ULK4: variants seen among roughly 807,000 people sequenced by gnomAD.
The protein encoded by ULK4 is unc-51 like kinase 4, also known as inactive serine/threonine-protein kinase ULK4.
In ULK4, 133 loss-of-function variants were observed where a neutral mutation model predicts 160.6. That is an observed-to-expected ratio of 0.83 (90% CI 0.72 to 0.96). The LOEUF is 0.96. Among genes scored for constraint, ULK4 ranks in the 40% least tolerant of loss-of-function variants. The probability of loss-of-function intolerance (pLI) is 0.00; values close to 1 mark genes in which losing one functional copy is unlikely to be tolerated. For synonymous variants in ULK4, 534 were observed against 539.8 expected (o/e 0.99, Z 0.15); for missense variants, 1,580 against 1,499.5 (o/e 1.05, Z -0.89).
intron 32 of ULK4, among the ~76,000 whole-genome samples, chr3:41,477,728 T>C (rs2084186896): frequency 1.3e-5 from 2 of 152,340 alleles, no homozygotes; most frequent in African/African-American, 2.4e-5. Context: ...GTTATAAATG[T>C]AAGTATCTGT....
At chr3:41,818,916 T>G (rs2041053506) in intron 19 of ULK4, among the ~76,000 whole-genome samples, 1 of 152,220 alleles carries the variant, frequency 6.6e-6, no homozygotes, top group Non-Finnish European at 1.5e-5. Context: ...TTTCAGCCAT[T>G]AACAATTGCT....
chr3:41,320,418 G>T (rs2080223946), intron 35 of ULK4, among the ~76,000 whole-genome samples: 1 of 152,150 alleles, frequency 6.6e-6, no homozygotes, highest in African/African-American at 2.4e-5. Flanking sequence ...CAATAACAAG[G>T]AGAGTAGTTG....
At chr3:41,481,748 A>G (rs1458254075) in intron 32 of ULK4, among the ~76,000 whole-genome samples, 1 of 144,500 alleles carries the variant, frequency 6.9e-6, no homozygotes, top group Non-Finnish European at 1.5e-5. Flanking sequence ...AATGGCGTGA[A>G]CCCGGGAGGC....
intron 17 of ULK4, among the ~76,000 whole-genome samples, chr3:41,876,372 C>T (rs1299238518): frequency 6.6e-6 from 1 of 152,122 alleles, no homozygotes; most frequent in Non-Finnish European, 1.5e-5. Context: ...ATGTTAAAAA[C>T]AAAGAGGAAA....
At chr3:41,767,967 G>C (rs1043032504) in intron 21 of ULK4, among the ~76,000 whole-genome samples, 3 of 152,146 alleles carry the variant, frequency 2.0e-5, no homozygotes, top group Non-Finnish European at 4.4e-5. Flanking sequence ...TTAGGAACCC[G>C]GCTGCACAGC....
At chr3:41,781,374 G>A (rs548786811) in intron 21 of ULK4, among the ~76,000 whole-genome samples, 16 of 148,618 alleles carry the variant, frequency 1.1e-4, no homozygotes, top group African/African-American at 3.5e-4. Context: ...CCAAGATCGC[G>A]CCACCGCACT....
rs1192444773 is a variant in ULK4 at position 41,721,362 on chromosome 3, A to ATTT, written c.2322-3504_2322-3502dup. On this transcript the variant is annotated intron_variant, in intron 22 of 36. Transcript: ENST00000301831. ...TATATATATATATATATATATATAT[A>ATTT]TTTTTTTTTTTTTTTTTTTGAAACG... Among the ~76,000 whole-genome samples, 62 of 27,952 alleles carry ATTT rather than the reference A, an allele frequency of 2.2e-3. 5 individuals are homozygous for ATTT. The highest frequency in any genetic ancestry group is 5.9e-3 in the African/African-American group (31 of 5,224). 18.3% of individuals were successfully genotyped at this position (27,952 alleles called of 152,430 possible). A position where few individuals can be genotyped will look rare whatever the true frequency, so the allele number is the denominator to read the frequency against.
intron 27 of ULK4, among the ~76,000 whole-genome samples, chr3:41,693,250 A>G (rs1020099420): frequency 6.6e-6 from 1 of 152,234 alleles, no homozygotes; most frequent in South Asian, 2.1e-4. Flanking sequence ...GTAAAAGCCT[A>G]TATAAGGGAT....
chr3:41,526,760 A>G (rs563609010), intron 32 of ULK4, among the ~76,000 whole-genome samples: 1 of 152,230 alleles, frequency 6.6e-6, no homozygotes, highest in Non-Finnish European at 1.5e-5. Context: ...AGAATTCACA[A>G]TATTTGGCCA....
At chr3:41,379,510 C>T (rs1033994493) in intron 35 of ULK4, among the ~76,000 whole-genome samples, 5 of 152,148 alleles carry the variant, frequency 3.3e-5, no homozygotes, top group African/African-American at 4.8e-5. Context: ...AAACAGAAAA[C>T]GTTAAACAAG....
chr3:41,749,661 C>T (rs1166981541), intron 22 of ULK4, among the ~76,000 whole-genome samples: 1 of 151,954 alleles, frequency 6.6e-6, no homozygotes, highest in African/African-American at 2.4e-5. Context: ...AAATGTAACC[C>T]CATTGGAAAT....
chr3:41,857,656 T>G (rs1607907), intron 17 of ULK4, among the ~76,000 whole-genome samples: 20,114 of 152,200 alleles, frequency 0.13, 4,335 homozygotes, highest in African/African-American at 0.45. Context: ...GTTATTAGTC[T>G]GTTCAGGTTT....
At chr3:41,860,607 T>C (rs1242285058) in intron 17 of ULK4, among the ~76,000 whole-genome samples, 2 of 152,164 alleles carry the variant, frequency 1.3e-5, no homozygotes, top group African/African-American at 4.8e-5. Flanking sequence ...TCAGCCTGTG[T>C]GTGTCTATAT....
chr3:41,780,510 G>T (rs945978589), intron 21 of ULK4, among the ~76,000 whole-genome samples: 3 of 152,082 alleles, frequency 2.0e-5, no homozygotes, highest in African/African-American at 7.2e-5. Flanking sequence ...CTGTCAGTTT[G>T]TTCAGGAACC....
At chr3:41,569,220 T>C (rs2087886356) in intron 31 of ULK4, among the ~76,000 whole-genome samples, 2 of 152,136 alleles carry the variant, frequency 1.3e-5, no homozygotes, top group African/African-American at 4.8e-5. Context: ...CAAGACTGAT[T>C]ATATCACTGG....
chr3:41,747,861 T>C (rs997333069), intron 22 of ULK4, among the ~76,000 whole-genome samples: 8 of 152,054 alleles, frequency 5.3e-5, no homozygotes, highest in Admixed American at 4.6e-4. Flanking sequence ...CTGTAGCCGA[T>C]GAAACTGTGA....
At chr3:41,775,678 C>T (rs2039585599) in intron 21 of ULK4, among the ~76,000 whole-genome samples, 4 of 150,714 alleles carry the variant, frequency 2.7e-5, no homozygotes. Flanking sequence ...GGATTACAGG[C>T]ATGAGCCACC....
chr3:41,733,002 A>C (rs561968242), intron 22 of ULK4, among the ~76,000 whole-genome samples: 27 of 152,288 alleles, frequency 1.8e-4, no homozygotes, highest in African/African-American at 5.8e-4. Context: ...ACAAAATTAC[A>C]GTTCGATAGG....
intron 35 of ULK4, among the ~76,000 whole-genome samples, chr3:41,282,800 G>A (rs2079384590): frequency 6.6e-6 from 1 of 152,150 alleles, no homozygotes; most frequent in African/African-American, 2.4e-5. Context: ...ATTGACAAAT[G>A]GGATCTAATT....
Sources: gnomAD v4.1 joint callset for allele counts (sites outside exome capture counted in the v4.1 genomes callset) on GRCh38, gnomAD v4.1.1 for gene constraint, MANE v1.5 for transcripts, NCBI Gene and HGNC (gene_info 2026-07-23, HGNC 2026-07-21) for gene names.